The following C21orf91 variants were observed in gnomAD, a reference collection of about 807,000 sequenced individuals.
The protein encoded by C21orf91 is protein EURL homolog.
C21orf91 carries 26 observed loss-of-function variants against 32.9 expected under a neutral mutation model. The observed-to-expected ratio is 0.79, with a 90% confidence interval of 0.58 to 1.10. The LOEUF (loss-of-function observed/expected upper bound fraction) is 1.10, where lower values mean the gene tolerates loss of function less well. Ranked by LOEUF, C21orf91 falls within the 50% of genes least tolerant of loss-of-function variation. The probability of loss-of-function intolerance (pLI) is 0.00; values close to 1 mark genes in which losing one functional copy is unlikely to be tolerated. For synonymous variants in C21orf91, 126 were observed against 120.4 expected (o/e 1.05, Z -0.31); for missense variants, 310 against 341.3 (o/e 0.91, Z 0.72).
At chr21:17,797,299 TA>T (rs1906416324) in intron 2 of C21orf91, among the ~76,000 whole-genome samples, 181 bp from the exon 3 acceptor site, 1 of 152,162 alleles carries the variant, frequency 6.6e-6, no homozygotes, top group African/African-American at 2.4e-5. Context: ...CAATATTCAG[TA>T]ATATTAAATT....
At chr21:17,813,081 A>G (rs2062643343) in intron 2 of C21orf91, among the ~76,000 whole-genome samples, 1 of 152,372 alleles carries the variant, frequency 6.6e-6, no homozygotes, top group East Asian at 1.9e-4. Flanking sequence ...ATTAGGCTTT[A>G]TACTTCAAAG....
chr21:17,809,112 G>C (rs2062616765), intron 2 of C21orf91: 1 of 154,134 alleles, frequency 6.5e-6, no homozygotes, highest in Admixed American at 6.5e-5. Flanking sequence ...AGAGCTGTGA[G>C]AAGATTAAAC....
chr21:17,806,223 CA>C (rs1315892229), intron 2 of C21orf91, among the ~76,000 whole-genome samples: 2 of 152,070 alleles, frequency 1.3e-5, no homozygotes, highest in African/African-American at 2.4e-5. Flanking sequence ...TGAAAATTAC[CA>C]TAACACGAAC....
intron 2 of C21orf91, among the ~76,000 whole-genome samples, chr21:17,799,237 A>G (rs758651228): frequency 6.6e-6 from 1 of 152,208 alleles, no homozygotes; most frequent in Non-Finnish European, 1.5e-5. Flanking sequence ...CAATAGGTCA[A>G]TATAATAGAT....
intron 2 of C21orf91, among the ~76,000 whole-genome samples, chr21:17,798,223 T>G (rs2062534284): frequency 6.6e-6 from 1 of 152,186 alleles, no homozygotes; most frequent in African/African-American, 2.4e-5. Context: ...CTTTAAAAAT[T>G]GAACTCATAG....
rs866513548 is a variant in C21orf91 at position 17,792,785 on chromosome 21, G to T, written c.*630C>A. The T allele has an allele frequency of 6.6e-6, 1 of 152,500 alleles. No individual in the cohort carries two copies. The highest frequency in any genetic ancestry group is 1.5e-5 in the Non-Finnish European group (1 of 67,992). The allele number at this position is 152,500 out of a possible 1,614,324, so 9.4% of individuals were successfully genotyped here. On this transcript the variant is annotated 3_prime_UTR_variant, in exon 5 of 5. Transcript: ENST00000284881. ...AATTCTTCTTTTACAAGAGGTATTA[G>T]AAATTAAAACAACTCAGATTTCTAA...
chr21:17,795,257 A>G lies in C21orf91; in HGVS notation c.678T>C (p.Thr226=), dbSNP rs375258768. The G allele has an allele frequency of 5.6e-6, 9 of 1,608,900 alleles. No individual in the cohort carries two copies. The highest frequency in any genetic ancestry group is 1.1e-5 in the South Asian group (1 of 90,990). ...HYSREELNSM[T]LGEVEQLNAK... is the part of the protein sequence containing the mutation. ...CATTCAGTTGCTCTACCTCACCAAGAGTCATCGAATTCACTGAAACATGAA... is the reference window on the plus strand; with the variant it reads ...CATTCAGTTGCTCTACCTCACCAAGGGTCATCGAATTCACTGAAACATGAA... The change falls in exon 4 of 5, where the codon ACT becomes ACC. Residue 226 remains threonine (T), a synonymous_variant. Transcript: ENST00000284881.
intron 2 of C21orf91, among the ~76,000 whole-genome samples, chr21:17,801,922 T>C (rs927443491): frequency 2.6e-5 from 4 of 152,206 alleles, no homozygotes; most frequent in African/African-American, 9.7e-5. Context: ...TAGTAGTATT[T>C]TAAAAAGCTG....
At chr21:17,818,658 G>A (rs1167386858) in intron 1 of C21orf91, among the ~76,000 whole-genome samples, 2 of 152,272 alleles carry the variant, frequency 1.3e-5, no homozygotes, top group Non-Finnish European at 2.9e-5. Flanking sequence ...TAATCAGAGG[G>A]CTTAGCAGCG....
Position 17,790,671 on chromosome 21 carries a change from C to T in C21orf91, c.*2744G>A, listed in dbSNP as rs952002025. ...TGCCTGAATCATCTATTACTGGAGT[C>T]TCAAGTGCATGCCTTTTAAAAAAGA... On this transcript the variant is annotated 3_prime_UTR_variant, in exon 5 of 5. Transcript: ENST00000284881. 3 of 152,032 alleles carry T rather than the reference C, an allele frequency of 2.0e-5. No homozygotes were observed. Among genetic ancestry groups the T allele is most frequent in the African/African-American group, 7.2e-5 (3 of 41,424 alleles). The allele number at this position is 152,032 out of a possible 1,614,324, so 9.4% of individuals were successfully genotyped here.
intron 2 of C21orf91, among the ~76,000 whole-genome samples, chr21:17,814,584 A>G (rs1448411280): frequency 6.6e-6 from 1 of 152,174 alleles, no homozygotes; most frequent in Admixed American, 6.5e-5. Context: ...CAGGGAACTC[A>G]CAATCAGGGC....
At chr21:17,804,462 C>CTAAA (rs1173859555) in intron 2 of C21orf91, among the ~76,000 whole-genome samples, 1 of 152,176 alleles carries the variant, frequency 6.6e-6, no homozygotes, top group Admixed American at 6.5e-5. Context: ...ACTTAAATGA[C>CTAAA]TAAATAGTCT....
rs2062458027 is a variant in C21orf91 at position 17,789,732 on chromosome 21, G to A, written c.*3683C>T. 1 of 152,082 alleles carries A rather than the reference G, an allele frequency of 6.6e-6. No homozygotes were observed. The highest frequency in any genetic ancestry group is 2.1e-4 in the South Asian group (1 of 4,832). 9.4% of individuals were successfully genotyped at this position (152,082 alleles called of 1,614,324 possible). A position where few individuals can be genotyped will look rare whatever the true frequency, so the allele number is the denominator to read the frequency against. On this transcript the variant is annotated 3_prime_UTR_variant, in exon 5 of 5. Coordinates refer to ENST00000284881, the MANE Select transcript of C21orf91 (RefSeq NM_001100420.2). ...GGATGAAGTGAAATGAAAATACTGA[G>A]ATGCAAGCATTATAGCCCTCCTCCA... is the stretch of plus-strand genomic sequence containing the variant.
At chr21:17,818,567 A>G (rs768790428) in intron 1 of C21orf91, among the ~76,000 whole-genome samples, 2 of 152,198 alleles carry the variant, frequency 1.3e-5, no homozygotes, top group African/African-American at 2.4e-5. Context: ...TTTTTGTCCT[A>G]TAGTTGATTG....
At position 17,797,073 on chromosome 21, in the gene C21orf91, T is replaced by C. The variant is rs2146247623; in HGVS notation, c.173A>G (p.His58Arg). The C allele has an allele frequency of 2.5e-6, 4 of 1,610,422 alleles. No individual in the cohort carries two copies. The highest frequency in any genetic ancestry group is 2.2e-5 in the East Asian group (1 of 44,856). The change falls in exon 3 of 5, where the codon CAT becomes CGT. Residue 58 changes from histidine (H) to arginine (R), a missense_variant. Coordinates refer to ENST00000284881, the MANE Select transcript of C21orf91 (RefSeq NM_001100420.2). ...DLLHTKSLRG[H>R]KDCFEKYHLI... Reference sequence around the variant, plus strand: ...ATGGTATTTTTCAAAGCAGTCTTTATGGCCCCTTAATGATTTGGTGTGCAA... The same window carrying C: ...ATGGTATTTTTCAAAGCAGTCTTTACGGCCCCTTAATGATTTGGTGTGCAA...
At chr21:17,801,982 A>G (rs930827868) in intron 2 of C21orf91, among the ~76,000 whole-genome samples, 10 of 151,876 alleles carry the variant, frequency 6.6e-5, no homozygotes, top group Non-Finnish European at 1.5e-4. Context: ...ATTTTATCTG[A>G]GTTTTTATAC....
chr21:17,798,413 A>G (rs1166890098), intron 2 of C21orf91, among the ~76,000 whole-genome samples: 2 of 152,204 alleles, frequency 1.3e-5, no homozygotes, highest in African/African-American at 4.8e-5. Context: ...ATTGGTTATC[A>G]GTTCCCTCAA....
intron 2 of C21orf91, among the ~76,000 whole-genome samples, chr21:17,803,591 G>A (rs2062576633): frequency 6.6e-6 from 1 of 152,140 alleles, no homozygotes; most frequent in Non-Finnish European, 1.5e-5. Flanking sequence ...GAGTAAAGGT[G>A]TTTTTCTTTT....
At position 17,818,180 on chromosome 21, in the gene C21orf91, CTG is replaced by C; in HGVS notation, c.127+10_127+11del. The C allele has an allele frequency of 1.2e-6, 2 of 1,601,266 alleles. No individual in the cohort carries two copies. The highest frequency in any genetic ancestry group is 1.7e-6 in the Non-Finnish European group (2 of 1,169,150). ...TTCATTCCATAAGATCAAAACTATA[CTG>C]TGTCCTTACCCTCAATATTTAGCTC... is the stretch of plus-strand genomic sequence containing the variant. On this transcript the variant is annotated intron_variant, in intron 2 of 4. Transcript: ENST00000284881.
Sources: allele counts gnomAD v4.1 joint callset (sites outside exome capture counted in the v4.1 genomes callset), GRCh38; gene constraint gnomAD v4.1.1; transcripts MANE v1.5; gene names NCBI Gene and HGNC (gene_info 2026-07-23, HGNC 2026-07-21).